Variants in SPOCK1 observed in about 807,000 individuals in gnomAD.
The protein encoded by SPOCK1 is SPARC (osteonectin), cwcv and kazal like domains proteoglycan 1.
SPOCK1 carries 23 observed loss-of-function variants against 55.3 expected under a neutral mutation model. That is an observed-to-expected ratio of 0.42 (90% CI 0.30 to 0.59). The LOEUF (loss-of-function observed/expected upper bound fraction) is 0.59, where lower values mean the gene tolerates loss of function less well. Ranked by LOEUF, SPOCK1 falls within the 20% of genes least tolerant of loss-of-function variation. The probability of loss-of-function intolerance (pLI) is 0.22; values close to 1 mark genes in which losing one functional copy is unlikely to be tolerated. For missense variants in SPOCK1, 499 were observed against 552.5 expected (o/e 0.90, Z 0.97); for synonymous variants, 226 against 221.0 (o/e 1.02, Z -0.20).
At chr5:137,033,375 T>G (rs572899003) in intron 6 of SPOCK1, among the ~76,000 whole-genome samples, 1 of 152,250 alleles carries the variant, frequency 6.6e-6, no homozygotes, top group African/African-American at 2.4e-5. Flanking sequence ...CTGACAAGCC[T>G]GCCTCCCTAC....
intron 3 of SPOCK1, among the ~76,000 whole-genome samples, chr5:137,191,295 G>A: frequency 6.6e-6 from 1 of 152,188 alleles, no homozygotes; most frequent in East Asian, 1.9e-4. Flanking sequence ...AAAGCCCAGA[G>A]TAAGTCCTTA....
At chr5:137,094,552 G>T (rs1042879253) in intron 5 of SPOCK1, among the ~76,000 whole-genome samples, 2 of 152,132 alleles carry the variant, frequency 1.3e-5, no homozygotes, top group African/African-American at 4.8e-5. Flanking sequence ...TAATGTACAT[G>T]CCTTGATTTA....
intron 6 of SPOCK1, among the ~76,000 whole-genome samples, chr5:136,998,219 C>G (rs2126967276): frequency 6.6e-6 from 1 of 152,276 alleles, no homozygotes; most frequent in Admixed American, 6.5e-5. Flanking sequence ...TAAAGAATAA[C>G]ATCTCTCCTT....
intron 6 of SPOCK1, among the ~76,000 whole-genome samples, chr5:137,055,688 T>C (rs1343925325): frequency 1.3e-5 from 2 of 152,212 alleles, no homozygotes; most frequent in Non-Finnish European, 2.9e-5. Context: ...AAACAGAATG[T>C]TCTATACCAC....
intron 3 of SPOCK1, among the ~76,000 whole-genome samples, chr5:137,167,072 A>G (rs1044338286): frequency 6.6e-6 from 1 of 152,100 alleles, no homozygotes; most frequent in Non-Finnish European, 1.5e-5. Flanking sequence ...CCTATAGGAA[A>G]CACACTTCAC....
At chr5:137,341,545 G>A (rs1315139305) in intron 2 of SPOCK1, among the ~76,000 whole-genome samples, 1 of 152,208 alleles carries the variant, frequency 6.6e-6, no homozygotes, top group Admixed American at 6.5e-5. Context: ...AGCACAGAAG[G>A]ACGTGTGTGA....
At chr5:137,011,852 A>C (rs1176845504) in intron 6 of SPOCK1, among the ~76,000 whole-genome samples, 8 of 152,300 alleles carry the variant, frequency 5.3e-5, no homozygotes, top group South Asian at 4.1e-4. Flanking sequence ...TGCAGTGCTC[A>C]AACTGCCAAC....
chr5:137,102,180 C>G (rs899256850), intron 5 of SPOCK1, among the ~76,000 whole-genome samples: 2 of 151,992 alleles, frequency 1.3e-5, no homozygotes, highest in Non-Finnish European at 2.9e-5. Context: ...TTATTCATAG[C>G]GAAGGTTGGG....
intron 6 of SPOCK1, 115 bp downstream of exon 6, chr5:137,067,600 A>T (rs718703): frequency 0.22 from 184,748 of 830,058 alleles, 21,974 homozygotes; most frequent in Admixed American, 0.25. Context: ...CTTACCTGTC[A>T]TGTCTGCTCA....
At chr5:137,354,822 A>C (rs1214604446) in intron 2 of SPOCK1, among the ~76,000 whole-genome samples, 2 of 152,118 alleles carry the variant, frequency 1.3e-5, no homozygotes, top group Admixed American at 1.3e-4. Flanking sequence ...TTGAGTGAAT[A>C]TTTCATTAAT....
chr5:137,208,437 C>G (rs1312574027), intron 3 of SPOCK1, among the ~76,000 whole-genome samples: 1 of 152,146 alleles, frequency 6.6e-6, no homozygotes, highest in African/African-American at 2.4e-5. Flanking sequence ...AAAGAGACCA[C>G]GCCATCCAAA....
At chr5:137,480,209 C>T (rs545015508) in intron 2 of SPOCK1, among the ~76,000 whole-genome samples, 1 of 151,978 alleles carries the variant, frequency 6.6e-6, no homozygotes, top group East Asian at 1.9e-4. Context: ...ACTGAAATTC[C>T]TTCAATACGC....
chr5:137,280,448 G>C (rs1757148970), intron 2 of SPOCK1, among the ~76,000 whole-genome samples: 1 of 152,310 alleles, frequency 6.6e-6, no homozygotes, highest in East Asian at 1.9e-4. Context: ...GCAATTTTCA[G>C]ACTAGCAAGG....
chr5:137,153,352 T>C (rs1195133911), intron 3 of SPOCK1, among the ~76,000 whole-genome samples: 1 of 152,250 alleles, frequency 6.6e-6, no homozygotes, highest in Non-Finnish European at 1.5e-5. Flanking sequence ...CTCATTTTTC[T>C]TTTATTGTTT....
intron 3 of SPOCK1, 67 bp from the exon 4 acceptor site, chr5:137,140,761 T>TTTC: frequency 3.6e-6 from 4 of 1,122,362 alleles, no homozygotes; most frequent in Admixed American, 6.2e-5. Flanking sequence ...TTTTTTTTTT[T>TTTC]TTTTTTTTTT....
chr5:137,253,042 A>G (rs1420657009), intron 3 of SPOCK1, among the ~76,000 whole-genome samples: 1 of 152,182 alleles, frequency 6.6e-6, no homozygotes, highest in South Asian at 2.1e-4. Flanking sequence ...TGTCAGGCAA[A>G]AGCACTTCCT....
At chr5:137,087,649 A>C (rs1165584204) in intron 5 of SPOCK1, among the ~76,000 whole-genome samples, 2 of 152,194 alleles carry the variant, frequency 1.3e-5, no homozygotes, top group African/African-American at 2.4e-5. Flanking sequence ...TCTTCCAGTG[A>C]ATACTGCCAT....
At chr5:137,347,258 A>G (rs1347664872) in intron 2 of SPOCK1, among the ~76,000 whole-genome samples, 1 of 152,200 alleles carries the variant, frequency 6.6e-6, no homozygotes, top group Non-Finnish European at 1.5e-5. Context: ...TGGGACCTGA[A>G]GCCCCTCTCT....
At chr5:137,142,897 C>T (rs79652295) in intron 3 of SPOCK1, among the ~76,000 whole-genome samples, 2,051 of 152,318 alleles carry the variant, frequency 0.013, 44 homozygotes, top group African/African-American at 0.046. Context: ...AACTTTGACT[C>T]ACTCTCCAAG....
Sources: gnomAD v4.1 joint callset for allele counts (sites outside exome capture counted in the v4.1 genomes callset) on GRCh38, gnomAD v4.1.1 for gene constraint, MANE v1.5 for transcripts, NCBI Gene and HGNC (gene_info 2026-07-23, HGNC 2026-07-21) for gene names.